Variants in TBC1D5 observed in about 807,000 individuals in gnomAD.
TBC1D5 encodes TBC1 domain family, member 5.
In TBC1D5, 75 loss-of-function variants were observed where a neutral mutation model predicts 100.3. The observed-to-expected ratio is 0.75, with a 90% CI of 0.62 to 0.91. TBC1D5 has a LOEUF of 0.91. Among genes scored for constraint, TBC1D5 ranks in the 40% least tolerant of loss-of-function variants. The pLI is 0.00. For synonymous variants in TBC1D5, 323 were observed against 325.6 expected, an observed-to-expected ratio of 0.99 and a Z score of 0.09; for missense variants, 910 against 942.4, an observed-to-expected ratio of 0.97 and a Z score of 0.45.
At chr3:17,735,730 T>C (rs190233535) in intron 1 of TBC1D5, among the ~76,000 whole-genome samples, 135 of 152,250 alleles carry the variant, frequency 8.9e-4, no homozygotes, top group Admixed American at 6.5e-3. Flanking sequence ...GGAGCAGCAA[T>C]GGGCACCTCG....
chr3:17,414,267 T>C (rs963926728), intron 4 of TBC1D5, among the ~76,000 whole-genome samples: 1 of 152,192 alleles, frequency 6.6e-6, no homozygotes, highest in African/African-American at 2.4e-5. Flanking sequence ...GTAAGAAAGC[T>C]GAACTTGATT....
intron 2 of TBC1D5, among the ~76,000 whole-genome samples, chr3:17,514,760 GT>G: frequency 6.6e-6 from 1 of 152,188 alleles, no homozygotes; most frequent in African/African-American, 2.4e-5. Context: ...CACTATAAAA[GT>G]CAAACTGCCA....
intron 1 of TBC1D5, among the ~76,000 whole-genome samples, chr3:17,625,815 A>G (rs981954570): frequency 6.6e-6 from 1 of 152,100 alleles, no homozygotes; most frequent in African/African-American, 2.4e-5. Flanking sequence ...TCTACTTTCA[A>G]TCTAATCTTA....
intron 3 of TBC1D5, chr3:17,465,300 G>A (rs2095283525): frequency 5.9e-6 from 1 of 169,624 alleles, no homozygotes; most frequent in African/African-American, 2.4e-5. Flanking sequence ...TCATGAGGGA[G>A]AGGGGAACTC....
intron 2 of TBC1D5, among the ~76,000 whole-genome samples, chr3:17,617,210 TC>T (rs1378875733): frequency 6.6e-6 from 1 of 152,178 alleles, no homozygotes; most frequent in Non-Finnish European, 1.5e-5. Context: ...GAATATTGGC[TC>T]CCACTCTCTT....
chr3:17,701,857 T>C (rs759260001), intron 1 of TBC1D5, among the ~76,000 whole-genome samples: 8 of 151,810 alleles, frequency 5.3e-5, no homozygotes, highest in Non-Finnish European at 7.4e-5. Flanking sequence ...TTTCTTTTTT[T>C]TTTTTCCTAA....
chr3:17,259,839 C>T (rs1292417256), intron 15 of TBC1D5, among the ~76,000 whole-genome samples: 1 of 152,150 alleles, frequency 6.6e-6, no homozygotes, highest in Admixed American at 6.5e-5. Context: ...ATTTATACAG[C>T]TCAACCCTTT....
intron 1 of TBC1D5, among the ~76,000 whole-genome samples, chr3:17,682,965 C>T (rs1471804381): frequency 6.6e-6 from 1 of 151,308 alleles, no homozygotes; most frequent in East Asian, 1.9e-4. Context: ...TATTTAAGAC[C>T]CAGGATGGAG....
Position 17,644,176 on chromosome 3 carries a change from G to T in TBC1D5, c.-100-20263C>A, listed in dbSNP as rs368257387. On this transcript the variant is annotated intron_variant, in intron 1 of 21. Transcript: ENST00000253692. ...TCACTTACTCTTTCACAAAAGGAAA[G>T]CCCATCAATCTAATGCCAAAAGACT... 10 of 152,152 alleles carry T rather than the reference G, an allele frequency of 6.6e-5. No homozygotes were observed. In the East Asian group the frequency reaches 1.7e-3, roughly 26 times the overall value. 9.4% of individuals were successfully genotyped at this position (152,152 alleles called of 1,614,324 possible).
intron 2 of TBC1D5, among the ~76,000 whole-genome samples, chr3:17,537,043 T>C (rs1219855864): frequency 6.6e-6 from 1 of 152,232 alleles, no homozygotes; most frequent in African/African-American, 2.4e-5. Context: ...GGCCTGACTA[T>C]AGTAATGGAG....
chr3:17,602,604 T>G (rs112370306), intron 2 of TBC1D5, among the ~76,000 whole-genome samples: 8,522 of 135,390 alleles, frequency 0.063, 591 homozygotes, highest in African/African-American at 0.17. Flanking sequence ...ACGGAGTCTC[T>G]TTCTGTTGCC....
At chr3:17,664,306 G>A (rs1381300951) in intron 1 of TBC1D5, among the ~76,000 whole-genome samples, 2 of 152,128 alleles carry the variant, frequency 1.3e-5, no homozygotes, top group African/African-American at 2.4e-5. Flanking sequence ...TCATGACCTC[G>A]TAATCCACCC....
intron 1 of TBC1D5, among the ~76,000 whole-genome samples, chr3:17,691,437 T>C (rs1010176208): frequency 2.0e-5 from 3 of 152,216 alleles, no homozygotes; most frequent in African/African-American, 7.2e-5. Flanking sequence ...ATAAATTTCA[T>C]AGGAGATCCA....
intron 9 of TBC1D5, among the ~76,000 whole-genome samples, chr3:17,380,207 C>T (rs978186641): frequency 1.3e-5 from 2 of 151,624 alleles, no homozygotes; most frequent in Non-Finnish European, 2.9e-5. Flanking sequence ...AGCTAAGCTA[C>T]AATATGAAAA....
chr3:17,661,462 G>T, intron 1 of TBC1D5, among the ~76,000 whole-genome samples: 1 of 151,180 alleles, frequency 6.6e-6, no homozygotes. Flanking sequence ...CACGGACATT[G>T]AACTTTTTCT....
At chr3:17,172,651 T>C (rs550402124) in intron 19 of TBC1D5, among the ~76,000 whole-genome samples, 8 of 152,170 alleles carry the variant, frequency 5.3e-5, no homozygotes, top group Non-Finnish European at 1.0e-4. Flanking sequence ...CACACAAAAA[T>C]CTCATTCACC....
chr3:17,615,271 C>A (rs2062048110), intron 2 of TBC1D5, among the ~76,000 whole-genome samples: 1 of 152,148 alleles, frequency 6.6e-6, no homozygotes, highest in Non-Finnish European at 1.5e-5. Flanking sequence ...TGATATGCTG[C>A]TGGATTCAGT....
intron 17 of TBC1D5, among the ~76,000 whole-genome samples, chr3:17,233,205 A>G (rs1576162553): frequency 6.6e-6 from 1 of 152,336 alleles, no homozygotes; most frequent in African/African-American, 2.4e-5. Context: ...TTGTGTTAAC[A>G]TAATGCGTAA....
chr3:17,386,775 T>C (rs957376386), intron 8 of TBC1D5, among the ~76,000 whole-genome samples: 27 of 152,150 alleles, frequency 1.8e-4, no homozygotes, highest in African/African-American at 6.5e-4. Context: ...CACGAATCGT[T>C]CATTGCTCAA....
Sources: allele counts gnomAD v4.1 joint callset (sites outside exome capture counted in the v4.1 genomes callset), GRCh38; gene constraint gnomAD v4.1.1; transcripts MANE v1.5; gene names NCBI Gene and HGNC (gene_info 2026-07-23, HGNC 2026-07-21).